RTN4: variants seen among roughly 807,000 people sequenced by gnomAD.
RTN4 encodes reticulon 4.
In RTN4, 32 loss-of-function variants were observed where a neutral mutation model predicts 90.4. The ratio of observed to expected loss-of-function variants is 0.35; its 90% CI spans 0.27 to 0.48. The LOEUF is 0.48. Ranked by LOEUF, RTN4 falls within the 20% of genes least tolerant of loss-of-function variation. RTN4 has a pLI of 0.99. For synonymous variants in RTN4, 629 were observed against 552.5 expected, an observed-to-expected ratio of 1.14 and a Z score of -1.94; for missense variants, 1,706 against 1,430.2, an observed-to-expected ratio of 1.19 and a Z score of -3.11.
At chr2:54,977,573 G>C (rs560848053) in intron 5 of RTN4, among the ~76,000 whole-genome samples, 93 of 152,224 alleles carry the variant, frequency 6.1e-4, no homozygotes, top group Admixed American at 9.8e-4. Context: ...GGTTTCAAAA[G>C]ACAGGAACCT....
At position 55,010,199 on chromosome 2, in the gene RTN4, T is replaced by A; in HGVS notation, c.3013+14887A>T. 3 of 1,602,126 alleles carry A rather than the reference T, an allele frequency of 1.9e-6. No homozygotes were observed. In the Admixed American group the frequency reaches 5.2e-5, roughly 28 times the overall value. ...AAAAGCTGTAACTGCACAAACCTAC[T>A]CCCTGAGACATGAAATACCCGTTTC... is the stretch of plus-strand genomic sequence containing the variant. On this transcript the variant is annotated intron_variant, in intron 3 of 8. Coordinates refer to ENST00000337526, the MANE Select transcript of RTN4 (RefSeq NM_020532.5).
chr2:55,002,371 T>C (rs1679912023), intron 3 of RTN4, among the ~76,000 whole-genome samples: 1 of 152,300 alleles, frequency 6.6e-6, no homozygotes, highest in South Asian at 2.1e-4. Context: ...TGGTCTTTTT[T>C]TCCTATATTT....
intron 4 of RTN4, among the ~76,000 whole-genome samples, chr2:54,985,153 C>CTTTTTTTTT (rs71769973): frequency 6.9e-5 from 4 of 57,864 alleles, no homozygotes; most frequent in African/African-American, 2.9e-4. Context: ...ATGACTCGGC[C>CTTTTTTTTT]TTTTTTTTTT....
Position 55,050,416 on chromosome 2 carries a change from C to A in RTN4, c.-116G>T. ...CTGAGAGGGGCTGGGCCGACTGAGC[C>A]GAGGGACCTACTGTGGTGACGGCTC... On this transcript the variant is annotated 5_prime_UTR_variant, in exon 1 of 9. Coordinates refer to ENST00000337526, the MANE Select transcript of RTN4 (RefSeq NM_020532.5). This position sits in a 1 kb window ranked among gnomAD's most constrained non-coding sequence, Gnocchi z 4.6. 1 of 536,076 alleles carries A rather than the reference C, an allele frequency of 1.9e-6. No homozygotes were observed. Among genetic ancestry groups the A allele is most frequent in the Non-Finnish European group, 3.0e-6 (1 of 330,894 alleles). 33.2% of individuals were successfully genotyped at this position (536,076 alleles called of 1,614,324 possible).
intron 5 of RTN4, among the ~76,000 whole-genome samples, chr2:54,981,004 A>G (rs1425838005): frequency 6.6e-6 from 1 of 152,248 alleles, no homozygotes; most frequent in African/African-American, 2.4e-5. Flanking sequence ...GCCAAACAAC[A>G]TAACCGTAAT....
chr2:55,063,458 C>G (rs1422124393), intron 2 of RTN4, among the ~76,000 whole-genome samples: 1 of 151,264 alleles, frequency 6.6e-6, no homozygotes, highest in Non-Finnish European at 1.5e-5. Context: ...CTTAATGACA[C>G]CAGATGGTGG....
At chr2:54,994,202 A>C (rs1338489430) in intron 3 of RTN4, among the ~76,000 whole-genome samples, 2 of 152,224 alleles carry the variant, frequency 1.3e-5, no homozygotes, top group African/African-American at 4.8e-5. Flanking sequence ...GAGAATTATT[A>C]GTTAATTTAG....
chr2:55,133,329 T>C, the RTN4 span, among the ~76,000 whole-genome samples: 34 of 141,740 alleles, frequency 2.4e-4, no homozygotes, highest in African/African-American at 7.8e-4. Flanking sequence ...TCATGGAGAA[T>C]GCGGTGTTGT....
chr2:55,067,446 T>A (rs1029679829), intron 2 of RTN4, among the ~76,000 whole-genome samples: 2 of 151,580 alleles, frequency 1.3e-5, no homozygotes, highest in Admixed American at 1.3e-4. Flanking sequence ...AGAGTCTTGT[T>A]CTGTTACCCA....
chr2:55,134,761 C>A, the RTN4 span, among the ~76,000 whole-genome samples: 2 of 152,154 alleles, frequency 1.3e-5, no homozygotes, highest in African/African-American at 4.8e-5. Context: ...TTTGGGCCCA[C>A]CGAAAAGGGC....
chr2:55,094,257 C>T (rs1444430169), intron 1 of RTN4, among the ~76,000 whole-genome samples: 1 of 152,172 alleles, frequency 6.6e-6, no homozygotes, highest in Non-Finnish European at 1.5e-5. Flanking sequence ...TGTCTGCAAG[C>T]CAGGAAGAAA....
At position 54,973,083 on chromosome 2, in the gene RTN4, C is replaced by A; in HGVS notation, c.*73G>T. Reference sequence around the variant, plus strand: ...ACTGCAACGTCAAGGTTCGTTCTTCCCTGACCCTCCCCCGTATAATCAAAT... The same window carrying A: ...ACTGCAACGTCAAGGTTCGTTCTTCACTGACCCTCCCCCGTATAATCAAAT... On this transcript the variant is annotated 3_prime_UTR_variant, in exon 9 of 9. Transcript: ENST00000337526. 7.6e-7 allele frequency: 1 copy of A among 1,315,762 alleles called. No individual in the cohort carries two copies. The highest frequency in any genetic ancestry group is 1.1e-6 in the Non-Finnish European group (1 of 922,424). The allele number at this position is 1,315,762 out of a possible 1,614,324, so 81.5% of individuals were successfully genotyped here.
chr2:55,021,719 G>A (rs1415939372), intron 3 of RTN4, among the ~76,000 whole-genome samples: 2 of 152,106 alleles, frequency 1.3e-5, no homozygotes, highest in Admixed American at 6.5e-5. Context: ...TCCTTTTATA[G>A]AAAAGGAAAA....
At chr2:55,059,303 CTTAA>C (rs1558861937) in intron 2 of RTN4, among the ~76,000 whole-genome samples, 7 of 49,848 alleles carry the variant, frequency 1.4e-4, no homozygotes, top group African/African-American at 4.1e-4. Flanking sequence ...ATGATTTAGA[CTTAA>C]TTGTTTTTTT....
At chr2:55,079,933 A>C (rs1421735798) in intron 2 of RTN4, among the ~76,000 whole-genome samples, 1 of 152,244 alleles carries the variant, frequency 6.6e-6, no homozygotes, top group Non-Finnish European at 1.5e-5. Context: ...TCTCTGTACC[A>C]TAGTGTCCTT....
rs898324361 is a variant in RTN4 at position 54,973,758 on chromosome 2, C to A, written c.3477+63G>T. 11 of 1,539,346 alleles carry A rather than the reference C, an allele frequency of 7.1e-6. No homozygotes were observed. In the South Asian group the frequency reaches 1.0e-4, roughly 14 times the overall value. On this transcript the variant is annotated intron_variant, in intron 7 of 8. Coordinates refer to ENST00000337526, the MANE Select transcript of RTN4 (RefSeq NM_020532.5). ...CATTGAAAATGGGCACTAATACATC[C>A]GTAAATCCCATGTAATAGAGTGAGT...
rs200937046 is a variant in RTN4 at position 54,972,920 on chromosome 2, A to G, written c.*236T>C. The G allele has an allele frequency of 4.5e-5, 17 of 380,440 alleles. No homozygotes were observed. Among genetic ancestry groups the G allele is most frequent in the Non-Finnish European group, 7.0e-5 (15 of 213,166 alleles). 23.6% of individuals were successfully genotyped at this position (380,440 alleles called of 1,614,324 possible). A position where few individuals can be genotyped will look rare whatever the true frequency, so the allele number is the denominator to read the frequency against. ...AGTGCCTCAGATAGATAGGAAAAAG[A>G]TATGATTACGGTTTAAATCCATACA... On this transcript the variant is annotated 3_prime_UTR_variant, in exon 9 of 9. Coordinates refer to ENST00000337526, the MANE Select transcript of RTN4 (RefSeq NM_020532.5).
At chr2:55,053,516 A>G (rs942499458), upstream of RTN4, among the ~76,000 whole-genome samples, 2 of 151,946 alleles carry the variant, frequency 1.3e-5, no homozygotes, top group Non-Finnish European at 2.9e-5. Context: ...GTGAAACCCC[A>G]TCTCTACTAA....
At chr2:55,102,925 C>G (rs543370598) in intron 1 of RTN4, among the ~76,000 whole-genome samples, 1 of 151,728 alleles carries the variant, frequency 6.6e-6, no homozygotes, top group Non-Finnish European at 1.5e-5. Context: ...TTGAGACCAG[C>G]CTGACCAATG....
Sources: gnomAD v4.1 joint callset for allele counts (sites outside exome capture counted in the v4.1 genomes callset) on GRCh38, gnomAD v4.1.1 for gene constraint, Gnocchi (gnomAD v3.1) non-coding constraint, MANE v1.5 for transcripts, NCBI Gene and HGNC (gene_info 2026-07-23, HGNC 2026-07-21) for gene names.